The following MUSK variants were observed in gnomAD, a reference collection of about 807,000 sequenced individuals.
MUSK encodes the protein muscle associated receptor tyrosine kinase, also known as muscle, skeletal receptor tyrosine-protein kinase.
Under a neutral mutation model 88.7 loss-of-function variants are expected in MUSK, and 55 were observed. The observed-to-expected ratio is 0.62, with a 90% CI of 0.50 to 0.78. The LOEUF is 0.78. MUSK is among the 30% of genes least tolerant of loss of function. MUSK has a pLI of 0.00. For missense variants in MUSK, 1,015 were observed against 1,074.3 expected (o/e 0.94, Z 0.77); for synonymous variants, 387 against 391.9 (o/e 0.99, Z 0.15).
chr9:110,696,595 C>A (rs2076433438), intron 4 of MUSK, among the ~76,000 whole-genome samples: 1 of 152,002 alleles, frequency 6.6e-6, no homozygotes, highest in Non-Finnish European at 1.5e-5. Context: ...TGGTGCATTT[C>A]CTACAATGAC....
chr9:110,707,726 C>A (rs2076616997), intron 5 of MUSK, among the ~76,000 whole-genome samples: 1 of 152,138 alleles, frequency 6.6e-6, no homozygotes, highest in Admixed American at 6.5e-5. Flanking sequence ...GGTCTAGAAG[C>A]AGAACAAAAA....
chr9:110,790,241 GA>G lies in MUSK; in HGVS notation c.1927+2405del, dbSNP rs547185840. ...CATGGATGTTCACTGGTAACCCCGAGAAGAGAGGTTTCTTAGGAATGTTGGG... is the reference window on the plus strand; with the variant it reads ...CATGGATGTTCACTGGTAACCCCGAGAGAGAGGTTTCTTAGGAATGTTGGG... On this transcript the variant is annotated intron_variant, in intron 14 of 14. Transcript: ENST00000374448. Among the ~76,000 whole-genome samples the G allele has an allele frequency of 2.5e-3, 382 of 152,290 alleles. 3 individuals carry two copies. Among genetic ancestry groups the G allele is most frequent in the Non-Finnish European group, 1.9e-3 (129 of 68,026 alleles).
Position 110,697,384 on chromosome 9 carries a change from G to C in MUSK, c.546G>C (p.Lys182Asn), listed in dbSNP as rs1207568075. 1 of 1,613,016 alleles carries C rather than the reference G, an allele frequency of 6.2e-7. No homozygotes were observed. Among genetic ancestry groups the C allele is most frequent in the African/African-American group, 1.3e-5 (1 of 74,994 alleles). The change falls in exon 5 of 15, where the codon AAG becomes AAC. Residue 182 changes from lysine (K) to asparagine (N), a missense_variant. Physicochemically the swap from Lys to Asn is moderately conservative, Grantham distance 94. Coordinates refer to ENST00000374448, the MANE Select transcript of MUSK (RefSeq NM_005592.4). ...SGSLRIHNVQ[K>N]EDAGQYRCVA... ...GCTTGAGGATTCATAACGTACAAAA[G>C]GAAGATGCAGGACAGTATCGATGTG...
intron 7 of MUSK, among the ~76,000 whole-genome samples, chr9:110,750,310 A>C (rs1416474902): frequency 6.6e-6 from 1 of 152,078 alleles, no homozygotes; most frequent in African/African-American, 2.4e-5. Context: ...AAAGGAGAAG[A>C]GGATTTGTAT....
chr9:110,683,892 A>C (rs1350855863), intron 2 of MUSK, among the ~76,000 whole-genome samples: 2 of 152,026 alleles, frequency 1.3e-5, no homozygotes, highest in African/African-American at 4.8e-5. Flanking sequence ...CCTTTGTCAG[A>C]TGGGTAGTTT....
chr9:110,799,636 A>G (rs1359255169), intron 14 of MUSK, among the ~76,000 whole-genome samples: 1 of 152,236 alleles, frequency 6.6e-6, no homozygotes, highest in Non-Finnish European at 1.5e-5. Flanking sequence ...AAACATTATG[A>G]GGCATCTGCT....
chr9:110,773,725 C>T (rs1282958041), intron 9 of MUSK, among the ~76,000 whole-genome samples: 4 of 152,112 alleles, frequency 2.6e-5, no homozygotes, highest in South Asian at 2.1e-4. Context: ...TTAGCTTTTG[C>T]GTTAGTTCTC....
chr9:110,689,687 ATATAGT>A (rs1233890695), intron 3 of MUSK, among the ~76,000 whole-genome samples: 1 of 67,426 alleles, frequency 1.5e-5, no homozygotes, highest in Admixed American at 1.9e-4. Context: ...ATATAACTAT[ATATAGT>A]TATATATAAA....
intron 5 of MUSK, among the ~76,000 whole-genome samples, chr9:110,732,782 T>C (rs950689281): frequency 2.0e-5 from 3 of 152,116 alleles, no homozygotes; most frequent in Admixed American, 1.3e-4. Context: ...AGCACCTTCC[T>C]TGCATTTCTT....
intron 8 of MUSK, among the ~76,000 whole-genome samples, chr9:110,762,436 G>A (rs539357567): frequency 6.6e-6 from 1 of 152,270 alleles, no homozygotes; most frequent in South Asian, 2.1e-4. Context: ...GTATGATGAA[G>A]TGAAAGACAG....
At position 110,739,240 on chromosome 9, in the gene MUSK, T is replaced by C. The variant is rs534737722; in HGVS notation, c.753+4865T>C. Reference sequence around the variant, plus strand: ...GATAAGCTGTTATGATTATGGCTTATTGCAGGAAAAGGATATAGATTAAAA... The same window carrying C: ...GATAAGCTGTTATGATTATGGCTTACTGCAGGAAAAGGATATAGATTAAAA... On this transcript the variant is annotated intron_variant, in intron 6 of 14. Coordinates refer to ENST00000374448, the MANE Select transcript of MUSK (RefSeq NM_005592.4). Among the ~76,000 whole-genome samples, 12 of 152,322 alleles carry C rather than the reference T, an allele frequency of 7.9e-5. No individual in the cohort carries two copies. In the East Asian group the frequency reaches 2.1e-3, roughly 27 times the overall value.
chr9:110,679,181 C>T (rs893074975), intron 1 of MUSK, among the ~76,000 whole-genome samples: 1 of 151,904 alleles, frequency 6.6e-6, no homozygotes, highest in African/African-American at 2.4e-5. Flanking sequence ...TGAAGGAGAT[C>T]TCTTAAAGGG....
At chr9:110,790,342 G>A (rs2077951984) in intron 14 of MUSK, among the ~76,000 whole-genome samples, 1 of 152,196 alleles carries the variant, frequency 6.6e-6, no homozygotes, top group Non-Finnish European at 1.5e-5. Context: ...AACTTGTTTT[G>A]CCATAAAGGT....
At chr9:110,745,391 C>A (rs1057042390) in intron 6 of MUSK, among the ~76,000 whole-genome samples, 2 of 152,188 alleles carry the variant, frequency 1.3e-5, no homozygotes, top group Non-Finnish European at 2.9e-5. Flanking sequence ...CTACTTCTTG[C>A]AGGAGGGAAC....
At chr9:110,695,362 C>G (rs773751596) in intron 3 of MUSK, 41 bp from the exon 4 acceptor site, 2 of 1,332,468 alleles carry the variant, frequency 1.5e-6, no homozygotes. Context: ...TTTAATAAAG[C>G]CATATTGCCT....
At chr9:110,719,187 A>ACAACAT (rs2076780659) in intron 5 of MUSK, among the ~76,000 whole-genome samples, 1 of 152,088 alleles carries the variant, frequency 6.6e-6, no homozygotes, top group South Asian at 2.1e-4. Context: ...AACAACAACA[A>ACAACAT]GGTATTCAGG....
At chr9:110,716,924 T>G (rs2076751851) in intron 5 of MUSK, among the ~76,000 whole-genome samples, 1 of 150,010 alleles carries the variant, frequency 6.7e-6, no homozygotes, top group Admixed American at 6.6e-5. Context: ...TCTGTATTGT[T>G]TGATATTAAT....
intron 1 of MUSK, among the ~76,000 whole-genome samples, chr9:110,677,158 C>T (rs2131635249): frequency 6.6e-6 from 1 of 152,284 alleles, no homozygotes; most frequent in South Asian, 2.1e-4. Flanking sequence ...CTACTAGGTG[C>T]TTCCAGTCAG....
intron 11 of MUSK, 83 bp downstream of exon 11, chr9:110,776,738 A>T: frequency 8.1e-7 from 1 of 1,228,748 alleles, no homozygotes; most frequent in Non-Finnish European, 1.2e-6. Flanking sequence ...ATATTTCCTG[A>T]TGCCCAGAAC....
Sources: gnomAD v4.1 joint callset for allele counts (sites outside exome capture counted in the v4.1 genomes callset) on GRCh38, gnomAD v4.1.1 for gene constraint, MANE v1.5 for transcripts, NCBI Gene and HGNC (gene_info 2026-07-23, HGNC 2026-07-21) for gene names.